ARB2A: variants seen among roughly 807,000 people sequenced by gnomAD.
The protein encoded by ARB2A is ARB2 cotranscriptional regulator A.
the ARB2A span, among the ~76,000 whole-genome samples, chr5:93,652,615 T>C: frequency 1.3e-5 from 2 of 152,216 alleles, no homozygotes; most frequent in African/African-American, 4.8e-5. Context: ...TCAGATGGTA[T>C]ATAACTGGTT....
the ARB2A span, among the ~76,000 whole-genome samples, chr5:93,957,022 T>C: frequency 6.6e-6 from 1 of 152,138 alleles, no homozygotes; most frequent in East Asian, 1.9e-4. Context: ...TGAATTGCCA[T>C]TTTTTTAAGA....
At chr5:93,696,835 G>T in the ARB2A span, among the ~76,000 whole-genome samples, 5 of 152,068 alleles carry the variant, frequency 3.3e-5, no homozygotes, top group African/African-American at 1.2e-4. Flanking sequence ...GCGGAGGTGG[G>T]TGGATTGCCT....
the ARB2A span, among the ~76,000 whole-genome samples, chr5:93,849,558 T>C: frequency 1.3e-5 from 2 of 152,120 alleles, no homozygotes; most frequent in African/African-American, 4.8e-5. Context: ...CCAATAATTA[T>C]TCCTTATCAA....
chr5:93,737,819 C>T, the ARB2A span: 13 of 398,878 alleles, frequency 3.3e-5, no homozygotes, highest in East Asian at 1.5e-4. Context: ...TACCTCATAC[C>T]GTATACAAAA....
the ARB2A span, among the ~76,000 whole-genome samples, chr5:93,919,746 A>T: frequency 6.6e-6 from 1 of 152,164 alleles, no homozygotes; most frequent in Non-Finnish European, 1.5e-5. Context: ...AATACTTCTC[A>T]TCCTTTTCCT....
chr5:94,097,867 T>TACAC, the ARB2A span, among the ~76,000 whole-genome samples: 2 of 122,894 alleles, frequency 1.6e-5, no homozygotes, highest in African/African-American at 6.1e-5. Context: ...CCACCGCTGG[T>TACAC]ACACACACAC....
At chr5:93,812,464 TA>T in the ARB2A span, among the ~76,000 whole-genome samples, 1 of 152,108 alleles carries the variant, frequency 6.6e-6, no homozygotes, top group Non-Finnish European at 1.5e-5. Context: ...CATTTATACT[TA>T]TAAAGAATCC....
At chr5:94,083,300 T>C in the ARB2A span, among the ~76,000 whole-genome samples, 1 of 152,194 alleles carries the variant, frequency 6.6e-6, no homozygotes, top group African/African-American at 2.4e-5. Flanking sequence ...AGTAGACTTC[T>C]CCTTCCAACA....
the ARB2A span, among the ~76,000 whole-genome samples, chr5:93,742,413 C>A: frequency 6.6e-6 from 1 of 152,152 alleles, no homozygotes; most frequent in Admixed American, 6.5e-5. Context: ...CAACATCAGG[C>A]TCCTTTATCC....
At chr5:93,784,213 A>C in the ARB2A span, 1 of 562,046 alleles carries the variant, frequency 1.8e-6, no homozygotes, top group Non-Finnish European at 3.2e-6. Context: ...TTAGGTCTTC[A>C]CATGGGTTTT....
chr5:93,906,452 T>G, the ARB2A span, among the ~76,000 whole-genome samples: 33 of 151,444 alleles, frequency 2.2e-4, no homozygotes, highest in Admixed American at 4.0e-4. Context: ...TTTCCACATC[T>G]GTATAATGGG....
At chr5:93,822,429 T>G in the ARB2A span, among the ~76,000 whole-genome samples, 2 of 152,156 alleles carry the variant, frequency 1.3e-5, no homozygotes, top group African/African-American at 4.8e-5. Flanking sequence ...TTAAGTTTGG[T>G]GTGTAAAGGT....
the ARB2A span, among the ~76,000 whole-genome samples, chr5:93,821,541 G>T: frequency 6.6e-6 from 1 of 151,908 alleles, no homozygotes; most frequent in Non-Finnish European, 1.5e-5. Flanking sequence ...TACAGTTAAT[G>T]TTGAAAAGTC....
the ARB2A span, among the ~76,000 whole-genome samples, chr5:93,793,576 C>G: frequency 2.0e-5 from 3 of 152,154 alleles, no homozygotes; most frequent in South Asian, 6.2e-4. Flanking sequence ...ATAACAGGTG[C>G]TCAAAAATTA....
the ARB2A span, among the ~76,000 whole-genome samples, chr5:94,087,460 TTTA>T: frequency 1.3e-5 from 2 of 152,120 alleles, no homozygotes; most frequent in Admixed American, 1.3e-4. Flanking sequence ...AGTAAGCTAG[TTTA>T]TTATTGAATA....
the ARB2A span, among the ~76,000 whole-genome samples, chr5:93,705,877 T>C: frequency 1.3e-5 from 2 of 152,142 alleles, no homozygotes; most frequent in African/African-American, 4.8e-5. Context: ...CTTGCTAAAT[T>C]TTTAAATGGG....
the ARB2A span, among the ~76,000 whole-genome samples, chr5:93,927,388 T>C: frequency 6.6e-6 from 1 of 152,146 alleles, no homozygotes; most frequent in Non-Finnish European, 1.5e-5. Flanking sequence ...TTCCCCAGCA[T>C]AGGGATGACC....
the ARB2A span, among the ~76,000 whole-genome samples, chr5:93,626,167 A>T: frequency 6.6e-6 from 1 of 152,194 alleles, no homozygotes; most frequent in Non-Finnish European, 1.5e-5. Flanking sequence ...AATTTCTGTT[A>T]ATGAAATCTA....
At chr5:93,705,843 C>T in the ARB2A span, among the ~76,000 whole-genome samples, 1 of 151,988 alleles carries the variant, frequency 6.6e-6, no homozygotes, top group African/African-American at 2.4e-5. Context: ...AATTTCAACT[C>T]AAATAACATT....
Sources: gnomAD v4.1 joint callset for allele counts (sites outside exome capture counted in the v4.1 genomes callset) on GRCh38, gnomAD v4.1.1 for gene constraint, MANE v1.5 for transcripts, NCBI Gene and HGNC (gene_info 2026-07-23, HGNC 2026-07-21) for gene names.